The following NRG3 variants were observed in gnomAD, a reference collection of about 807,000 sequenced individuals.
NRG3 encodes the protein pro-neuregulin-3, membrane-bound isoform.
In NRG3, 31 loss-of-function variants were observed where a neutral mutation model predicts 66.9. The observed-to-expected ratio is 0.46, with a 90% CI of 0.35 to 0.63. The LOEUF (loss-of-function observed/expected upper bound fraction) is 0.63. Among genes scored for constraint, NRG3 ranks in the 20% least tolerant of loss-of-function variants. The pLI is 0.00. For synonymous variants in NRG3, 393 were observed against 359.4 expected, an observed-to-expected ratio of 1.09 and a Z score of -1.06; for missense variants, 910 against 878.9, an observed-to-expected ratio of 1.04 and a Z score of -0.45.
intron 3 of NRG3, among the ~76,000 whole-genome samples, chr10:82,854,007 A>G (rs971592850): frequency 1.3e-5 from 2 of 152,198 alleles, no homozygotes; most frequent in East Asian, 3.9e-4. Context: ...ATACTTCCCA[A>G]AAGTATACCT....
At chr10:82,924,187 A>C (rs994989924) in intron 4 of NRG3, among the ~76,000 whole-genome samples, 2 of 152,128 alleles carry the variant, frequency 1.3e-5, no homozygotes, top group Non-Finnish European at 2.9e-5. Context: ...GCACTAAACA[A>C]ATGTCAAGGC....
At chr10:82,911,917 A>C (rs1052838099) in intron 4 of NRG3, among the ~76,000 whole-genome samples, 54 of 152,038 alleles carry the variant, frequency 3.6e-4, no homozygotes, top group African/African-American at 1.3e-3. Flanking sequence ...GCATTGCACA[A>C]ATTTTGATGA....
At chr10:82,362,547 G>GTTTTTTTTTTTTTT (rs1564840163) in intron 2 of NRG3, among the ~76,000 whole-genome samples, 1 of 47,268 alleles carries the variant, frequency 2.1e-5, no homozygotes, top group African/African-American at 2.7e-4. Flanking sequence ...ATAATTTCTG[G>GTTTTTTTTTTTTTT]GTTTTTTTTT....
rs1002975772 is a variant in NRG3 at position 82,545,783 on chromosome 10, C to CTT, written c.953+186936_953+186937dup. On this transcript the variant is annotated intron_variant, in intron 2 of 8. Transcript: ENST00000372141. ...TTGATCGTAATATATAATATCAACT[C>CTT]TTTTTTTTTTTTTTTTTTTTTTGAG... Among the ~76,000 whole-genome samples the CTT allele has an allele frequency of 7.0e-3, 639 of 91,404 alleles. 2 individuals are homozygous for CTT. Among genetic ancestry groups the CTT allele is most frequent in the Non-Finnish European group, 9.6e-3 (486 of 50,884 alleles). 60.0% of individuals were successfully genotyped at this position (91,404 alleles called of 152,430 possible). A position where few individuals can be genotyped will look rare whatever the true frequency, so the allele number is the denominator to read the frequency against.
chr10:81,931,276 A>T (rs1847322431), intron 1 of NRG3, among the ~76,000 whole-genome samples: 1 of 152,182 alleles, frequency 6.6e-6, no homozygotes, highest in South Asian at 2.1e-4. Context: ...GCATAAACTC[A>T]AAAGTTTGAT....
At chr10:82,346,497 G>C (rs2083031919) in intron 1 of NRG3, among the ~76,000 whole-genome samples, 1 of 151,236 alleles carries the variant, frequency 6.6e-6, no homozygotes, top group Admixed American at 6.6e-5. Flanking sequence ...TTGCATCAAT[G>C]TTCATCAAGG....
chr10:82,493,941 C>A lies in NRG3; in HGVS notation c.953+135073C>A, dbSNP rs191729680. On this transcript the variant is annotated intron_variant, in intron 2 of 8. Transcript: ENST00000372141. Reference sequence around the variant, plus strand: ...AAAGTGGGCAAAAGACATGAACAAACACTTCTCAAAAGAAGACACTCATGA... The same window carrying A: ...AAAGTGGGCAAAAGACATGAACAAAAACTTCTCAAAAGAAGACACTCATGA... Among the ~76,000 whole-genome samples the A allele has an allele frequency of 2.4e-4, 37 of 152,266 alleles. 1 individual carries two copies. In the East Asian group the frequency reaches 6.9e-3, roughly 29 times the overall value.
chr10:82,021,304 A>G (rs974335428), intron 1 of NRG3, among the ~76,000 whole-genome samples: 1 of 151,964 alleles, frequency 6.6e-6, no homozygotes, highest in Admixed American at 6.6e-5. Flanking sequence ...ATTTTTAGGT[A>G]CTTTTTATCA....
intron 3 of NRG3, among the ~76,000 whole-genome samples, chr10:82,768,880 C>T (rs2059613347): frequency 6.6e-6 from 1 of 151,930 alleles, no homozygotes; most frequent in African/African-American, 2.4e-5. Context: ...CAAGTTTGTT[C>T]CCAAATTTAA....
chr10:81,968,092 A>G (rs2059798663), intron 1 of NRG3, among the ~76,000 whole-genome samples: 1 of 152,216 alleles, frequency 6.6e-6, no homozygotes, highest in African/African-American at 2.4e-5. Flanking sequence ...AAACCACAGA[A>G]TGTCAGTGGA....
chr10:82,098,677 G>A (rs1401533764), intron 1 of NRG3, among the ~76,000 whole-genome samples: 1 of 152,092 alleles, frequency 6.6e-6, no homozygotes, highest in Non-Finnish European at 1.5e-5. Flanking sequence ...TCTGGATATG[G>A]TTCTTTTTTG....
At chr10:82,819,581 A>G (rs2061858671) in intron 3 of NRG3, among the ~76,000 whole-genome samples, 1 of 152,200 alleles carries the variant, frequency 6.6e-6, no homozygotes, top group Admixed American at 6.5e-5. Context: ...TAATTACTAT[A>G]AAATATAATA....
chr10:82,049,811 C>G (rs2063504687), intron 1 of NRG3, among the ~76,000 whole-genome samples: 1 of 151,928 alleles, frequency 6.6e-6, no homozygotes, highest in Admixed American at 6.6e-5. Flanking sequence ...AAGCACCAAG[C>G]TGACATTCAT....
intron 4 of NRG3, among the ~76,000 whole-genome samples, chr10:82,878,712 T>G (rs1324622766): frequency 3.3e-5 from 5 of 152,156 alleles, no homozygotes; most frequent in Non-Finnish European, 7.3e-5. Context: ...AAATACTGGC[T>G]CTCATCAGCA....
At chr10:82,718,127 G>T (rs192770979) in intron 2 of NRG3, among the ~76,000 whole-genome samples, 15 of 152,264 alleles carry the variant, frequency 9.9e-5, no homozygotes, top group African/African-American at 1.2e-4. Context: ...ATACTAGTCT[G>T]CTAGCTCCTA....
At chr10:82,757,829 T>A (rs967329351) in intron 3 of NRG3, among the ~76,000 whole-genome samples, 1 of 152,142 alleles carries the variant, frequency 6.6e-6, no homozygotes, top group South Asian at 2.1e-4. Context: ...GGAATTTTTT[T>A]TTAAATTTCT....
At chr10:82,765,418 T>C (rs1381604762) in intron 3 of NRG3, among the ~76,000 whole-genome samples, 1 of 152,116 alleles carries the variant, frequency 6.6e-6, no homozygotes, top group Non-Finnish European at 1.5e-5. Context: ...GTTAGAATTA[T>C]TATAGAAATG....
At chr10:81,969,088 G>A (rs2059833935) in intron 1 of NRG3, among the ~76,000 whole-genome samples, 1 of 152,134 alleles carries the variant, frequency 6.6e-6, no homozygotes, top group African/African-American at 2.4e-5. Context: ...CAACAGTGGA[G>A]CATTGTTGAA....
chr10:82,333,792 A>C (rs1285143664), intron 1 of NRG3, among the ~76,000 whole-genome samples: 1 of 152,082 alleles, frequency 6.6e-6, no homozygotes, highest in Non-Finnish European at 1.5e-5. Flanking sequence ...TCTCATGGAA[A>C]AATGTCGTGC....
Sources: gnomAD v4.1 joint callset for allele counts (sites outside exome capture counted in the v4.1 genomes callset) on GRCh38, gnomAD v4.1.1 for gene constraint, MANE v1.5 for transcripts, NCBI Gene and HGNC (gene_info 2026-07-23, HGNC 2026-07-21) for gene names.